Variants in RARS2 observed in about 807,000 individuals in gnomAD.
The protein encoded by RARS2 is probable arginine--tRNA ligase, mitochondrial.
A neutral mutation model predicts 88.5 loss-of-function variants in RARS2; 67 were observed. The ratio of observed to expected loss-of-function variants is 0.76; its 90% CI spans 0.62 to 0.93. The LOEUF (loss-of-function observed/expected upper bound fraction) is 0.93, where lower values mean the gene tolerates loss of function less well. RARS2 is among the 40% of genes least tolerant of loss of function. RARS2 has a pLI of 0.00. For missense variants in RARS2, 664 were observed against 684.2 expected (o/e 0.97, Z 0.33); for synonymous variants, 239 against 230.3 (o/e 1.04, Z -0.34).
chr6:87,568,236 A>G, intron 2 of RARS2, among the ~76,000 whole-genome samples: 1 of 152,204 alleles, frequency 6.6e-6, no homozygotes, highest in East Asian at 1.9e-4. Flanking sequence ...GGTGGTTCAT[A>G]CTTGTAATCC....
intron 4 of RARS2, among the ~76,000 whole-genome samples, chr6:87,561,703 C>T (rs1180673487): frequency 1.3e-5 from 2 of 152,206 alleles, no homozygotes; most frequent in Non-Finnish European, 2.9e-5. Flanking sequence ...TCTGATTTTA[C>T]TGTGACACTG....
chr6:87,520,087 G>A (rs1227762444), intron 13 of RARS2, 93 bp downstream of exon 13: 33 of 1,064,854 alleles, frequency 3.1e-5, no homozygotes, highest in Non-Finnish European at 3.9e-5. Context: ...TTGAAACAAA[G>A]AATTGAAATC....
chr6:87,589,985 T>A lies in RARS2; in HGVS notation c.-28A>T, dbSNP rs531449426. ...CCACCTCTACGGAAGTGCGCCGCAG[T>A]CCGCCAGTTCCGGCCTCGCCCCACC... On this transcript the variant is annotated 5_prime_UTR_variant, in exon 1 of 20. Coordinates refer to ENST00000369536, the MANE Select transcript of RARS2 (RefSeq NM_020320.5). 12 of 1,614,104 alleles carry A rather than the reference T, an allele frequency of 7.4e-6. No individual in the cohort carries two copies. The highest frequency in any genetic ancestry group is 1.6e-4 in the Middle Eastern group (1 of 6,062).
At chr6:87,552,782 G>A (rs1325306353) in intron 5 of RARS2, among the ~76,000 whole-genome samples, 1 of 151,882 alleles carries the variant, frequency 6.6e-6, no homozygotes, top group Non-Finnish European at 1.5e-5. Flanking sequence ...AAGAAGGTAA[G>A]TAATGGTGGC....
chr6:87,534,716 T>C (rs938260916), intron 8 of RARS2, among the ~76,000 whole-genome samples: 3 of 151,956 alleles, frequency 2.0e-5, no homozygotes, highest in African/African-American at 4.8e-5. Flanking sequence ...ACTGCCAGGA[T>C]AGAGGAAAGG....
chr6:87,543,302 C>CAAAACAAAAACA lies in RARS2; in HGVS notation c.536-1320_536-1309dup, dbSNP rs563618761. ...TGGGCAACAAGAGCAAACTCTGTCT[C>CAAAACAAAAACA]AAAACAAAAACAAAAACAAAAACAA... On this transcript the variant is annotated intron_variant, in intron 7 of 19. Coordinates refer to ENST00000369536, the MANE Select transcript of RARS2 (RefSeq NM_020320.5). Among the ~76,000 whole-genome samples, 4 of 147,248 alleles carry CAAAACAAAAACA rather than the reference C, an allele frequency of 2.7e-5. No homozygotes were observed. In the East Asian group the frequency reaches 7.9e-4, roughly 29 times the overall value.
At chr6:87,568,050 C>G (rs1397199819) in intron 2 of RARS2, among the ~76,000 whole-genome samples, 1 of 152,268 alleles carries the variant, frequency 6.6e-6, no homozygotes, top group Middle Eastern at 3.4e-3. Flanking sequence ...GGATTACAGG[C>G]GTGAGCCACC....
intron 17 of RARS2, among the ~76,000 whole-genome samples, chr6:87,517,377 T>C (rs1396935192): frequency 6.6e-6 from 1 of 152,240 alleles, no homozygotes; most frequent in African/African-American, 2.4e-5. Flanking sequence ...GCAGGGACTT[T>C]CTAAATCATC....
At chr6:87,530,621 T>C (rs991531720) in intron 9 of RARS2, among the ~76,000 whole-genome samples, 163 bp downstream of exon 9, 2 of 152,206 alleles carry the variant, frequency 1.3e-5, no homozygotes, top group African/African-American at 2.4e-5. Context: ...TTCAGGATTA[T>C]TTTGCAGTTC....
At chr6:87,519,200 G>GTGTGTT in intron 14 of RARS2, 1 of 272,270 alleles carries the variant, frequency 3.7e-6, no homozygotes, top group Non-Finnish European at 6.9e-6. Flanking sequence ...GTGTGTGTGT[G>GTGTGTT]TGTGTGTGTA....
At chr6:87,551,438 C>T (rs1370804245) in intron 5 of RARS2, among the ~76,000 whole-genome samples, 1 of 151,558 alleles carries the variant, frequency 6.6e-6, no homozygotes, top group African/African-American at 2.4e-5. Context: ...CCAGCCTGAC[C>T]AACATGGTGA....
At chr6:87,571,858 T>C (rs1182630514) in intron 1 of RARS2, among the ~76,000 whole-genome samples, 3 of 152,224 alleles carry the variant, frequency 2.0e-5, no homozygotes, top group Non-Finnish European at 4.4e-5. Flanking sequence ...CCACTTTGGC[T>C]TGGTACAGAT....
intron 5 of RARS2, among the ~76,000 whole-genome samples, chr6:87,555,100 A>AAAATATAT (rs1554203109): frequency 7.2e-6 from 1 of 139,556 alleles, no homozygotes; most frequent in Non-Finnish European, 1.5e-5. Context: ...CTCCGTCTCA[A>AAAATATAT]AAATAAATAA....
intron 1 of RARS2, among the ~76,000 whole-genome samples, chr6:87,580,222 C>T (rs1391986205): frequency 6.6e-6 from 1 of 152,098 alleles, no homozygotes; most frequent in African/African-American, 2.4e-5. Flanking sequence ...GCTGTTTCAC[C>T]TGGCATTGGG....
chr6:87,561,104 T>C (rs1787724920), intron 4 of RARS2, among the ~76,000 whole-genome samples: 1 of 152,166 alleles, frequency 6.6e-6, no homozygotes, highest in South Asian at 2.1e-4. Context: ...GTAAAACAGT[T>C]AAAATTATAA....
In RARS2 at chr6:87,564,142, T is replaced by C. The variant is rs770335948; in HGVS notation, c.201A>G (p.Arg67=). The change falls in exon 3 of 20, where the codon AGA becomes AGG. Residue 67 remains arginine, a synonymous_variant. Transcript: ENST00000369536. ...AGTGCTAACGTACCTTCTCTGCTAGTCTCTTGGCTTGAACTTGAATATCTG... is the reference window on the plus strand; with the variant it reads ...AGTGCTAACGTACCTTCTCTGCTAGCCTCTTGGCTTGAACTTGAATATCTG... ...SRPDIQVQAK[R]LAEKLRCDTV... is the part of the protein sequence containing the mutation. The C allele has an allele frequency of 1.7e-5, 27 of 1,606,508 alleles. No individual in the cohort carries two copies. In the Admixed American group the frequency reaches 4.5e-4, roughly 27 times the overall value.
At chr6:87,577,396 T>G (rs6940150) in intron 1 of RARS2, among the ~76,000 whole-genome samples, 2 of 151,904 alleles carry the variant, frequency 1.3e-5, no homozygotes, top group Middle Eastern at 6.8e-3. Flanking sequence ...ATATCTCACC[T>G]TTGTTGTCCA....
At chr6:87,549,999 G>C (rs1783840343) in intron 5 of RARS2, among the ~76,000 whole-genome samples, 1 of 152,150 alleles carries the variant, frequency 6.6e-6, no homozygotes, top group African/African-American at 2.4e-5. Flanking sequence ...GGTAAAACTA[G>C]AGTTTAAATT....
At chr6:87,573,870 A>C (rs1247189560) in intron 1 of RARS2, among the ~76,000 whole-genome samples, 1 of 152,232 alleles carries the variant, frequency 6.6e-6, no homozygotes, top group African/African-American at 2.4e-5. Flanking sequence ...AAAGAGCTCA[A>C]AGTCACAAAC....
Sources: allele counts gnomAD v4.1 joint callset (sites outside exome capture counted in the v4.1 genomes callset), GRCh38; gene constraint gnomAD v4.1.1; transcripts MANE v1.5; gene names NCBI Gene and HGNC (gene_info 2026-07-23, HGNC 2026-07-21).